DTNB: variants seen among roughly 807,000 people sequenced by gnomAD.
DTNB encodes dystrobrevin beta, also known as DTN-B.
DTNB carries 63 observed loss-of-function variants against 90.7 expected under a neutral mutation model. That is an observed-to-expected ratio of 0.69 (90% confidence interval 0.57 to 0.86). The LOEUF (loss-of-function observed/expected upper bound fraction) is 0.86, where lower values mean the gene tolerates loss of function less well. DTNB is among the 40% of genes least tolerant of loss of function. The pLI, the probability that DTNB is intolerant of heterozygous loss-of-function variation, is 0.00. For synonymous variants in DTNB, 277 were observed against 286.7 expected, an observed-to-expected ratio of 0.97 and a Z score of 0.34; for missense variants, 744 against 807.1, an observed-to-expected ratio of 0.92 and a Z score of 0.95.
chr2:25,586,930 G>A (rs74533079), intron 6 of DTNB, among the ~76,000 whole-genome samples: 2 of 152,260 alleles, frequency 1.3e-5, no homozygotes, highest in African/African-American at 4.8e-5. Context: ...CATCAGATTG[G>A]CAAAAATTCA....
chr2:25,545,624 C>T (rs536945054), intron 8 of DTNB, among the ~76,000 whole-genome samples: 9 of 152,268 alleles, frequency 5.9e-5, no homozygotes, highest in African/African-American at 2.2e-4. Flanking sequence ...TGCTACTGGG[C>T]CTGAGGAACT....
At chr2:25,391,250 T>C (rs1358364760) in intron 16 of DTNB, among the ~76,000 whole-genome samples, 1 of 152,124 alleles carries the variant, frequency 6.6e-6, no homozygotes, top group Non-Finnish European at 1.5e-5. Context: ...AAAGAAAAAC[T>C]AGATACATTG....
At chr2:25,385,849 C>T (rs1030314391) in intron 18 of DTNB, among the ~76,000 whole-genome samples, 1 of 152,258 alleles carries the variant, frequency 6.6e-6, no homozygotes, top group Non-Finnish European at 1.5e-5. Context: ...ATTTAATGAC[C>T]TCTCACCCTA....
At chr2:25,631,827 C>T (rs1409666322) in intron 3 of DTNB, among the ~76,000 whole-genome samples, 1 of 152,094 alleles carries the variant, frequency 6.6e-6, no homozygotes, top group Admixed American at 6.5e-5. Context: ...ATAATGAGCA[C>T]TATATAAAGT....
At chr2:25,499,062 G>A (rs2069754695) in intron 9 of DTNB, among the ~76,000 whole-genome samples, 1 of 150,840 alleles carries the variant, frequency 6.6e-6, no homozygotes, top group Admixed American at 6.6e-5. Context: ...CTAAAAATAG[G>A]AAAATTAGCC....
At chr2:25,386,021 A>C in intron 18 of DTNB, 1 of 985,370 alleles carries the variant, frequency 1.0e-6, no homozygotes, top group Non-Finnish European at 1.2e-6. Flanking sequence ...AGCGCCTTCT[A>C]ATCACCTGTG....
rs1439491880 is a variant in DTNB at position 25,482,856 on chromosome 2, G to C, written c.1019C>G (p.Thr340Ser). The change falls in exon 10 of 21, where the codon ACT (threonine) becomes AGT (serine). Residue 340 changes from threonine to serine, a missense_variant. Thr to Ser is a moderately conservative substitution (Grantham distance 58). Coordinates refer to ENST00000406818, the MANE Select transcript of DTNB (RefSeq NM_021907.5). ...LAHIVPPRPLTNMNDTMVSHM... is the reference protein window; with the variant it reads ...LAHIVPPRPLSNMNDTMVSHM... The stretch of plus-strand genomic sequence containing the variant: ...GCTAACCATGGTGTCATTCATATTA[G>C]TCAGAGGGCGAGGAGGACTGAAAGA... The C allele has an allele frequency of 9.3e-6, 15 of 1,610,280 alleles. No homozygotes were observed. The highest frequency in any genetic ancestry group is 1.3e-5 in the Non-Finnish European group (15 of 1,178,844).
intron 3 of DTNB, among the ~76,000 whole-genome samples, chr2:25,631,978 T>G (rs528801278): frequency 1.3e-5 from 2 of 152,078 alleles, no homozygotes; most frequent in Non-Finnish European, 2.9e-5. Context: ...GTGGATCACT[T>G]GAGGTCAGGA....
intron 12 of DTNB, among the ~76,000 whole-genome samples, chr2:25,436,661 T>C (rs1215177263): frequency 6.6e-6 from 1 of 152,232 alleles, no homozygotes; most frequent in East Asian, 1.9e-4. Flanking sequence ...AAGATGATTT[T>C]TCTTCCTCCA....
At chr2:25,438,530 G>A (rs2150022732) in intron 12 of DTNB, among the ~76,000 whole-genome samples, 1 of 152,224 alleles carries the variant, frequency 6.6e-6, no homozygotes, top group East Asian at 1.9e-4. Flanking sequence ...AGGGGAATAT[G>A]AAATTTGATT....
chr2:25,574,589 T>G (rs189314169), intron 8 of DTNB, among the ~76,000 whole-genome samples: 1 of 152,316 alleles, frequency 6.6e-6, no homozygotes, highest in East Asian at 1.9e-4. Flanking sequence ...AAACATTTGT[T>G]CAAAACGTTA....
intron 9 of DTNB, among the ~76,000 whole-genome samples, chr2:25,524,401 C>CTTT (rs369653199): frequency 3.5e-5 from 4 of 114,658 alleles, no homozygotes; most frequent in Admixed American, 9.0e-5. Context: ...TCTACCAGAG[C>CTTT]TTTTTTTTTT....
chr2:25,534,487 G>A (rs747704978), intron 8 of DTNB, among the ~76,000 whole-genome samples: 65 of 152,108 alleles, frequency 4.3e-4, no homozygotes, highest in Non-Finnish European at 7.4e-4. Flanking sequence ...CGCCATCGTC[G>A]TCATGGCCTG....
At chr2:25,473,309 C>T (rs1483296684) in intron 10 of DTNB, among the ~76,000 whole-genome samples, 6 of 152,194 alleles carry the variant, frequency 3.9e-5, no homozygotes, top group Non-Finnish European at 7.3e-5. Context: ...TGGATCAGCA[C>T]GGGAATTTCA....
intron 4 of DTNB, among the ~76,000 whole-genome samples, chr2:25,621,780 G>A (rs1384137518): frequency 6.6e-6 from 1 of 151,678 alleles, no homozygotes; most frequent in African/African-American, 2.4e-5. Flanking sequence ...TTAAATGGTT[G>A]TTAGCCACAT....
chr2:25,526,206 A>G (rs2077050368), intron 9 of DTNB, among the ~76,000 whole-genome samples: 1 of 151,676 alleles, frequency 6.6e-6, no homozygotes, highest in South Asian at 2.1e-4. Flanking sequence ...CCTAGATATT[A>G]ATACATAGAA....
intron 15 of DTNB, among the ~76,000 whole-genome samples, chr2:25,421,431 C>T (rs1030529253): frequency 5.3e-5 from 8 of 152,314 alleles, no homozygotes; most frequent in Middle Eastern, 3.4e-3. Context: ...GCTCTGGCAG[C>T]GGGAAGGAAT....
intron 12 of DTNB, among the ~76,000 whole-genome samples, chr2:25,442,170 G>C (rs1173721761): frequency 6.6e-6 from 1 of 152,228 alleles, no homozygotes; most frequent in Non-Finnish European, 1.5e-5. Flanking sequence ...TGGCCTGAAA[G>C]AGTAAAGTAC....
At chr2:25,544,041 G>C (rs773983307) in intron 8 of DTNB, among the ~76,000 whole-genome samples, 1 of 152,158 alleles carries the variant, frequency 6.6e-6, no homozygotes, top group Non-Finnish European at 1.5e-5. Flanking sequence ...AGAAAGAACC[G>C]CTGGCAACTA....
Sources: allele counts gnomAD v4.1 joint callset (sites outside exome capture counted in the v4.1 genomes callset), GRCh38; gene constraint gnomAD v4.1.1; transcripts MANE v1.5; gene names NCBI Gene and HGNC (gene_info 2026-07-23, HGNC 2026-07-21).